Variants in IFT74 observed in about 807,000 individuals in gnomAD.
IFT74 encodes intraflagellar transport protein 74 homolog.
In IFT74, 92 loss-of-function variants were observed where a neutral mutation model predicts 96.7. The ratio of observed to expected loss-of-function variants is 0.95; its 90% CI spans 0.80 to 1.13. The LOEUF is 1.13. IFT74 is among the 50% of genes most tolerant of loss of function. The pLI, the probability that IFT74 is intolerant of heterozygous loss-of-function variation, is 0.00. For missense variants in IFT74, 811 were observed against 698.2 expected, an observed-to-expected ratio of 1.16 and a Z score of -1.82; for synonymous variants, 223 against 213.2, an observed-to-expected ratio of 1.05 and a Z score of -0.40.
chr9:26,970,318 G>T (rs181245996), intron 2 of IFT74, among the ~76,000 whole-genome samples: 216 of 152,200 alleles, frequency 1.4e-3, no homozygotes, highest in African/African-American at 5.0e-3. Flanking sequence ...ACTATCAACT[G>T]TATCTTCTAG....
At chr9:26,976,353 C>T (rs1037177098) in intron 2 of IFT74, among the ~76,000 whole-genome samples, 18 of 152,182 alleles carry the variant, frequency 1.2e-4, no homozygotes, top group East Asian at 3.9e-4. Flanking sequence ...TTTACTTTTG[C>T]GCAGTAGGGT....
intron 2 of IFT74, among the ~76,000 whole-genome samples, chr9:26,963,888 G>A (rs865847653): frequency 3.9e-5 from 6 of 152,220 alleles, no homozygotes; most frequent in African/African-American, 9.6e-5. Context: ...AGTAGGTTGC[G>A]AAAATGTTCT....
At chr9:26,967,634 A>G (rs1826684474) in intron 2 of IFT74, among the ~76,000 whole-genome samples, 1 of 152,100 alleles carries the variant, frequency 6.6e-6, no homozygotes, top group Non-Finnish European at 1.5e-5. Flanking sequence ...ACTGTGTTGA[A>G]TAACAGTGGT....
intron 13 of IFT74, among the ~76,000 whole-genome samples, chr9:27,044,403 C>T (rs1307728541): frequency 6.6e-6 from 1 of 152,142 alleles, no homozygotes; most frequent in Non-Finnish European, 1.5e-5. Flanking sequence ...TGAAGTTACT[C>T]TGCTGTCTTG....
At chr9:27,005,722 T>C (rs1229553522) in intron 8 of IFT74, 1 of 148,022 alleles carries the variant, frequency 6.8e-6, no homozygotes, top group Non-Finnish European at 1.5e-5. Flanking sequence ...ACAGGTGATT[T>C]AAAAAAAAAA....
rs73438242 is a variant in IFT74, at chr9:27,056,213, A to T, written c.1498-121A>T. The stretch of plus-strand genomic sequence containing the variant: ...GGATATTTTTACAAACGGGTTTTAG[A>T]GTAGTTATAGCCTTGATATAATTTT... On this transcript the variant is annotated intron_variant, in intron 17 of 19. Transcript: ENST00000380062. 1.7e-3 allele frequency: 1,234 copies of T among 723,612 alleles called. 16 individuals carry two copies. In the African/African-American group the frequency reaches 0.021, roughly 12 times the overall value. The allele number at this position is 723,612 out of a possible 1,614,324, so 44.8% of individuals were successfully genotyped here.
At chr9:26,995,796 C>G (rs745616247) in intron 8 of IFT74, 1 of 1,612,570 alleles carries the variant, frequency 6.2e-7, no homozygotes, top group East Asian at 2.2e-5. Flanking sequence ...GTCGTCAGTA[C>G]AGTGACAACA....
rs572178698 is a variant in IFT74 at position 27,056,336 on chromosome 9, A to G, written c.1500A>G (p.Lys500=). The G allele has an allele frequency of 5.8e-6, 9 of 1,561,514 alleles. No individual in the cohort carries two copies. In the East Asian group the frequency reaches 1.6e-4, roughly 28 times the overall value. The stretch of plus-strand genomic sequence containing the variant: ...CACTTCTATTTGGATCTTTCTAGAA[A>G]TTACATCAGGAGAGAATGATATTAT... ...LKSSGEEKIK[K]LHQERMILST... is the part of the protein sequence containing the mutation. Residue 500 remains lysine, a splice_region_variant and synonymous_variant, in exon 18 of 20, where the codon AAA becomes AAG. Transcript: ENST00000380062.
intron 13 of IFT74, among the ~76,000 whole-genome samples, chr9:27,043,838 C>T (rs1819578886): frequency 6.6e-6 from 1 of 152,158 alleles, no homozygotes; most frequent in African/African-American, 2.4e-5. Flanking sequence ...ATTACCACCG[C>T]TCTACTCAAG....
intron 8 of IFT74, chr9:26,998,271 A>T: frequency 7.9e-7 from 1 of 1,269,342 alleles, no homozygotes; most frequent in Non-Finnish European, 1.1e-6. Flanking sequence ...AAAGGCATTA[A>T]TCAGAAAAAA....
rs368805487 is a variant in IFT74, at chr9:26,980,122, G to A, written c.257-449G>A. On this transcript the variant is annotated intron_variant, in intron 3 of 19. Transcript: ENST00000380062. ...TTTCTCACATTGAGTAATGTCTGCAGTGTCCAGTATGACAGCCAGTAGTCA... is the reference window on the plus strand; with the variant it reads ...TTTCTCACATTGAGTAATGTCTGCAATGTCCAGTATGACAGCCAGTAGTCA... Among the ~76,000 whole-genome samples the A allele has an allele frequency of 2.0e-4, 31 of 152,324 alleles. 1 individual carries two copies. The East Asian group carries it at 5.6e-3, about 28-fold the overall frequency.
Position 27,029,045 on chromosome 9 carries a change from A to C in IFT74, c.995A>C (p.Lys332Thr), listed in dbSNP as rs553309366. 6.2e-7 allele frequency: 1 copy of C among 1,601,398 alleles called. No homozygotes were observed. The highest frequency in any genetic ancestry group is 8.5e-7 in the Non-Finnish European group (1 of 1,173,038). Residue 332 changes from lysine (K) to threonine (T), a missense_variant, in exon 13 of 20, where the codon AAG becomes ACG. Physicochemically the swap from Lys to Thr is moderately conservative, Grantham distance 78. Coordinates refer to ENST00000380062, the MANE Select transcript of IFT74 (RefSeq NM_025103.4). ...MERQLTDTKE[K>T]INQFIEEIRQ... Reference sequence around the variant, plus strand: ...AACAGGTTAACAGATACAAAAGAAAAGATAAATCAGTTTATTGAAGAAATT... The same window carrying C: ...AACAGGTTAACAGATACAAAAGAAACGATAAATCAGTTTATTGAAGAAATT...
chr9:26,979,210 A>G (rs1261740515), intron 3 of IFT74, among the ~76,000 whole-genome samples: 1 of 151,924 alleles, frequency 6.6e-6, no homozygotes, highest in African/African-American at 2.4e-5. Context: ...CTAAATCACT[A>G]AATATTAAAA....
intron 12 of IFT74, among the ~76,000 whole-genome samples, chr9:27,027,089 AAGAAG>A (rs916446177): frequency 2.6e-4 from 39 of 152,278 alleles, no homozygotes; most frequent in Admixed American, 2.2e-3. Flanking sequence ...TAATCAAGAA[AAGAAG>A]AGAAAAGATC....
chr9:27,020,260 T>C (rs1230484104), intron 12 of IFT74, among the ~76,000 whole-genome samples: 4 of 152,162 alleles, frequency 2.6e-5, no homozygotes, highest in African/African-American at 7.2e-5. Context: ...TTACAACTTA[T>C]GAAATTAAAT....
intron 12 of IFT74, among the ~76,000 whole-genome samples, chr9:27,023,406 A>G (rs1457855856): frequency 6.6e-6 from 1 of 152,148 alleles, no homozygotes; most frequent in Non-Finnish European, 1.5e-5. Context: ...TTCTGCATCT[A>G]TTGAGATGAT....
At position 27,061,707 on chromosome 9, in the gene IFT74, T is replaced by TATGTAC. The variant is rs1564011670; in HGVS notation, c.1685-909_1685-908insGTACAT. Among the ~76,000 whole-genome samples, 493 of 141,768 alleles carry TATGTAC rather than the reference T, an allele frequency of 3.5e-3. 2 individuals carry two copies. The highest frequency in any genetic ancestry group is 0.012 in the African/African-American group (465 of 38,870). The allele number at this position is 141,768 out of a possible 152,430, so 93.0% of individuals were successfully genotyped here. A position where few individuals can be genotyped will look rare whatever the true frequency, so the allele number is the denominator to read the frequency against. On this transcript the variant is annotated intron_variant, in intron 19 of 19. Transcript: ENST00000380062. Reference sequence around the variant, plus strand: ...TATATATATATATATGTACATAATATATAATATATAGTTGTTTGTTGTTTA... The same window carrying TATGTAC: ...TATATATATATATATGTACATAATATATGTACATAATATATAGTTGTTTGTTGTTTA...
In IFT74 at chr9:26,948,448, A is replaced by ATTATTTTTTTTTTTTTTTTTTT. The variant is rs1825819541; in HGVS notation, c.-20+1304_-20+1305insATTTTTTTTTTTTTTTTTTTTT. ...TGACAACCTGTGATGGCTTTCCATT[A>ATTATTTTTTTTTTTTTTTTTTT]TTTTTTTTTTTTTTTTTTTTTTTTT... On this transcript the variant is annotated intron_variant, in intron 1 of 19. Coordinates refer to the IFT74 transcript ENST00000433700. Among the ~76,000 whole-genome samples the ATTATTTTTTTTTTTTTTTTTTT allele has an allele frequency of 3.0e-4, 18 of 59,162 alleles. 3 individuals carry two copies. Among genetic ancestry groups the ATTATTTTTTTTTTTTTTTTTTT allele is most frequent in the Non-Finnish European group, 5.8e-4 (15 of 26,084 alleles). The allele number at this position is 59,162 out of a possible 152,430, so 38.8% of individuals were successfully genotyped here.
intron 12 of IFT74, among the ~76,000 whole-genome samples, chr9:27,018,917 TATATTCACAGA>T (rs1829474471): frequency 6.6e-6 from 1 of 152,176 alleles, no homozygotes; most frequent in Non-Finnish European, 1.5e-5. Flanking sequence ...AACATTTTAG[TATATTCACAGA>T]AGTGTGCAGC....
Sources: allele counts gnomAD v4.1 joint callset (sites outside exome capture counted in the v4.1 genomes callset), GRCh38; gene constraint gnomAD v4.1.1; transcripts MANE v1.5; gene names NCBI Gene and HGNC (gene_info 2026-07-23, HGNC 2026-07-21).